The following TRPC3 variants were observed in gnomAD, a reference collection of about 807,000 sequenced individuals.
TRPC3 encodes short transient receptor potential channel 3.
TRPC3 carries 54 observed loss-of-function variants against 90.9 expected under a neutral mutation model. The observed-to-expected ratio is 0.59, with a 90% CI of 0.48 to 0.75. The LOEUF (loss-of-function observed/expected upper bound fraction) is 0.75. Among genes scored for constraint, TRPC3 ranks in the 30% least tolerant of loss-of-function variants. TRPC3 has a pLI of 0.00. For missense variants in TRPC3, 918 were observed against 1,194.5 expected (o/e 0.77, Z 3.41); for synonymous variants, 424 against 450.9 (o/e 0.94, Z 0.75).
In TRPC3 at chr4:121,925,055, C is replaced by T. The variant is rs774747811; in HGVS notation, c.1139G>A (p.Ser380Asn). ...LEVHRHKASL[S>N]RVKLAIKYEV... ...ATACTTAATGGCAAGTTTGACACGA[C>T]TTAATGAAGCTTTGTGCCTGTGTAC... The change falls in exon 3 of 12, where the codon AGT (serine) becomes AAT (asparagine). Residue 380 changes from serine to asparagine, a missense_variant. By Grantham distance (46) the Ser-to-Asn change is conservative (BLOSUM62 1). This residue lies in a region of TRPC3 where 609 missense variants were observed against 725.9 expected (regional missense o/e 0.84). Coordinates refer to ENST00000379645, the MANE Select transcript of TRPC3 (RefSeq NM_001130698.2). 3.1e-6 allele frequency: 5 copies of T among 1,613,696 alleles called. No individual in the cohort carries two copies. Among genetic ancestry groups the T allele is most frequent in the Non-Finnish European group, 4.2e-6 (5 of 1,179,874 alleles).
At chr4:121,921,901 T>G (rs1376623979) in intron 3 of TRPC3, among the ~76,000 whole-genome samples, 2 of 144,196 alleles carry the variant, frequency 1.4e-5, no homozygotes, top group Non-Finnish European at 3.0e-5. Flanking sequence ...GAAGCCTTTG[T>G]TTTTTGGGTT....
At chr4:121,900,712 T>C (rs553579781) in intron 9 of TRPC3, among the ~76,000 whole-genome samples, 76 of 152,252 alleles carry the variant, frequency 5.0e-4, no homozygotes, top group Non-Finnish European at 8.2e-4. Flanking sequence ...ATTCAATACA[T>C]GAAGAGTATC....
intron 2 of TRPC3, among the ~76,000 whole-genome samples, chr4:121,931,517 C>T (rs990084122): frequency 2.0e-5 from 3 of 151,408 alleles, no homozygotes; most frequent in African/African-American, 7.3e-5. Context: ...ATAAATAATA[C>T]TGCTTGATTG....
intron 4 of TRPC3, among the ~76,000 whole-genome samples, chr4:121,913,006 G>C (rs1210410182): frequency 6.6e-6 from 1 of 152,172 alleles, no homozygotes; most frequent in Non-Finnish European, 1.5e-5. Flanking sequence ...AAGTACTGAG[G>C]TTCACATTTA....
chr4:121,909,155 G>A (rs1202442598), intron 6 of TRPC3, among the ~76,000 whole-genome samples: 2 of 152,050 alleles, frequency 1.3e-5, no homozygotes, highest in Admixed American at 1.3e-4. Flanking sequence ...TACAAATGGT[G>A]ATCATTTGCT....
intron 7 of TRPC3, among the ~76,000 whole-genome samples, chr4:121,905,600 A>T: frequency 6.6e-6 from 1 of 151,504 alleles, no homozygotes; most frequent in South Asian, 2.1e-4. Flanking sequence ...TTACACACAT[A>T]AAATTCCATT....
intron 10 of TRPC3, among the ~76,000 whole-genome samples, chr4:121,892,635 A>G (rs867894311): frequency 6.6e-6 from 1 of 152,190 alleles, no homozygotes; most frequent in African/African-American, 2.4e-5. Context: ...TGAGAACTGC[A>G]CCAAATTAAT....
chr4:121,940,181 C>T (rs1730259416), intron 1 of TRPC3, among the ~76,000 whole-genome samples: 1 of 152,140 alleles, frequency 6.6e-6, no homozygotes, highest in Admixed American at 6.5e-5. Context: ...AGACACTGTC[C>T]TAACTGACCA....
At chr4:121,882,876 C>T (rs572088389) in intron 10 of TRPC3, among the ~76,000 whole-genome samples, 89 of 152,150 alleles carry the variant, frequency 5.8e-4, no homozygotes, top group Non-Finnish European at 1.1e-3. Context: ...GGCAACCTCA[C>T]CAGCCAAAGA....
chr4:121,951,515 G>A lies in TRPC3; in HGVS notation c.166C>T (p.Arg56Trp). 1 of 1,379,362 alleles carries A rather than the reference G, an allele frequency of 7.2e-7. No homozygotes were observed. Among genetic ancestry groups the A allele is most frequent in the African/African-American group, 1.5e-5 (1 of 65,462 alleles). 85.4% of individuals were successfully genotyped at this position (1,379,362 alleles called of 1,614,324 possible). Residue 56 changes from arginine to tryptophan, a missense_variant, in exon 1 of 12, where the codon CGG becomes TGG. Arg to Trp is a moderately radical substitution (Grantham distance 101, BLOSUM62 -3). Transcript: ENST00000379645. This position sits in a 1 kb window ranked among gnomAD's most constrained non-coding sequence, Gnocchi z 4.4. ...GGCGGGCAGTAGCCGTGCGGCTCCC[G>A]CTGCGAGGGCGCCGAGCGCGGCTCC... ...GLEPRSAPSQ[R>W]EPHGYCPPPF... is the part of the protein sequence containing the mutation.
chr4:121,951,090 T>C lies in TRPC3; in HGVS notation c.215+376A>G, dbSNP rs917388344. On this transcript the variant is annotated intron_variant, in intron 1 of 11. Coordinates refer to ENST00000379645, the MANE Select transcript of TRPC3 (RefSeq NM_001130698.2). This position sits in a 1 kb window ranked among gnomAD's most constrained non-coding sequence, Gnocchi z 4.4. ...CCTGGGTAAGCTCGGGACCCCGGGG[T>C]CCGTCTTCCAAGGGGTGCCCAGCCC... Among the ~76,000 whole-genome samples the C allele has an allele frequency of 6.6e-6, 1 of 152,004 alleles. No homozygotes were observed. The highest frequency in any genetic ancestry group is 2.4e-5 in the African/African-American group (1 of 41,400).
chr4:121,892,633 G>A (rs1728367800), intron 10 of TRPC3, among the ~76,000 whole-genome samples: 1 of 152,066 alleles, frequency 6.6e-6, no homozygotes, highest in Admixed American at 6.6e-5. Context: ...TGTGAGAACT[G>A]CACCAAATTA....
intron 9 of TRPC3, among the ~76,000 whole-genome samples, chr4:121,900,230 G>A (rs1161460958): frequency 6.6e-6 from 1 of 152,186 alleles, no homozygotes; most frequent in Non-Finnish European, 1.5e-5. Flanking sequence ...AAGAATTTTG[G>A]TTTCCTTTTC....
chr4:121,879,805 A>G lies in TRPC3; in HGVS notation c.2697T>C (p.Thr899=), dbSNP rs761955968. ...YELLEDKSQA[T]EELAILIHKL... ...TATGAATTAGAATGGCTAATTCCTC[A>G]GTTGCTTGGCTCTTGTCTTCCAAAA... Residue 899 remains threonine, a synonymous_variant, in exon 12 of 12, where the codon ACT becomes ACC. Coordinates refer to ENST00000379645, the MANE Select transcript of TRPC3 (RefSeq NM_001130698.2). 17 of 1,608,294 alleles carry G rather than the reference A, an allele frequency of 1.1e-5. No homozygotes were observed. The highest frequency in any genetic ancestry group is 1.3e-5 in the African/African-American group (1 of 74,594).
rs6825303 is a variant in TRPC3 at position 121,886,146 on chromosome 4, A to T, written c.2548-3717T>A. On this transcript the variant is annotated intron_variant, in intron 10 of 11. Transcript: ENST00000379645. ...GGTTGGGTAGCTGCGGGGTGGTTAGATATCTTCCTTCCTGAAAGGAGTGAA... is the reference window on the plus strand; with the variant it reads ...GGTTGGGTAGCTGCGGGGTGGTTAGTTATCTTCCTTCCTGAAAGGAGTGAA... Among the ~76,000 whole-genome samples the T allele has an allele frequency of 7.6e-3, 1,154 of 152,268 alleles. 9 individuals carry two copies. The highest frequency in any genetic ancestry group is 0.025 in the African/African-American group (1,046 of 41,544).
chr4:121,895,005 A>C (rs1308622555), intron 10 of TRPC3, among the ~76,000 whole-genome samples: 1 of 152,214 alleles, frequency 6.6e-6, no homozygotes, highest in Non-Finnish European at 1.5e-5. Context: ...CATCATAACA[A>C]AAGGCACATT....
intron 3 of TRPC3, among the ~76,000 whole-genome samples, chr4:121,916,162 T>C (rs1236200747): frequency 6.6e-6 from 1 of 152,206 alleles, no homozygotes; most frequent in African/African-American, 2.4e-5. Flanking sequence ...GTTATTAATA[T>C]TTGGCTCTTT....
At chr4:121,913,741 A>G (rs1858024) in intron 4 of TRPC3, among the ~76,000 whole-genome samples, 145,333 of 152,294 alleles carry the variant, frequency 0.95, 69,746 homozygotes, top group East Asian at 1. Flanking sequence ...TCCATGATAC[A>G]TAACAAAAGA....
chr4:121,941,491 G>A (rs561415767), intron 1 of TRPC3, among the ~76,000 whole-genome samples: 8 of 152,286 alleles, frequency 5.3e-5, no homozygotes, highest in African/African-American at 1.9e-4. Context: ...GCACAGAAGT[G>A]GGGGAAAGTG....
Sources: allele counts gnomAD v4.1 joint callset (sites outside exome capture counted in the v4.1 genomes callset), GRCh38; gene constraint gnomAD v4.1.1; regional missense constraint gnomAD v4.1.1; non-coding constraint Gnocchi (gnomAD v3.1); transcripts MANE v1.5; gene names NCBI Gene and HGNC (gene_info 2026-07-23, HGNC 2026-07-21).